Variants in MSN observed in about 807,000 individuals in gnomAD.
The protein encoded by MSN is moesin.
A neutral mutation model predicts 48.0 loss-of-function variants in MSN; 2 were observed. That is an observed-to-expected ratio of 0.04 (90% CI 0.02 to 0.13). The LOEUF (loss-of-function observed/expected upper bound fraction) is 0.13, where lower values mean the gene tolerates loss of function less well. Among genes scored for constraint, MSN ranks in the 10% least tolerant of loss-of-function variants. The pLI, the probability that MSN is intolerant of heterozygous loss-of-function variation, is 1.00. For missense variants in MSN, 267 were observed against 470.1 expected (o/e 0.57, Z 3.99); for synonymous variants, 146 against 166.9 (o/e 0.87, Z 0.97).
chrX:65,646,199 A>G (rs2070694040), intron 1 of MSN, among the ~76,000 whole-genome samples: 1 of 111,949 alleles, frequency 8.9e-6, no homozygotes, highest in Admixed American at 9.5e-5. Context: ...GCTCAGTTGC[A>G]TGTGACCTGT....
rs1195702879 is a variant in MSN at position 65,731,975 on chromosome X, A to G, written c.689A>G (p.Gln230Arg). The G allele has an allele frequency of 1.1e-5, 13 of 1,206,669 alleles. No homozygotes were observed. The highest frequency in any genetic ancestry group is 2.3e-4 in the Middle Eastern group (1 of 4,353). Residue 230 changes from glutamine to arginine, a missense_variant, in exon 6 of 13, where the codon CAG becomes CGG. Physicochemically the swap from Gln to Arg is conservative, Grantham distance 43. Transcript: ENST00000360270. ...VDALGLNIYE[Q>R]NDRLTPKIGF... ...GCCCTGGGTCTCAACATCTATGAGC[A>G]GAATGACAGGTATATCTCAGATCTC...
chrX:65,600,664 C>T (rs150854783), intron 1 of MSN: 1 of 111,751 alleles, frequency 8.9e-6, no homozygotes, highest in East Asian at 2.8e-4. Flanking sequence ...CTATGCAGAT[C>T]TACACAGCTA....
chrX:65,592,058 C>T (rs751051150), intron 1 of MSN, among the ~76,000 whole-genome samples: 11 of 109,412 alleles, frequency 1.0e-4, no homozygotes, highest in Admixed American at 2.0e-4. Context: ...TAGCATTGCT[C>T]CCCGTACTGC....
intron 1 of MSN, among the ~76,000 whole-genome samples, chrX:65,652,460 T>G (rs1453900926): frequency 9.0e-6 from 1 of 111,370 alleles, no homozygotes; most frequent in Non-Finnish European, 1.9e-5. Context: ...AGTTTCCAGG[T>G]CAGCTTCTAA....
intron 1 of MSN, among the ~76,000 whole-genome samples, chrX:65,658,708 G>A (rs957955032): frequency 1.8e-5 from 2 of 111,688 alleles, no homozygotes; most frequent in Non-Finnish European, 3.8e-5. Flanking sequence ...CTTTATTGCC[G>A]TGAACTTAGA....
Position 65,741,057 on chromosome X carries a change from C to G in MSN, c.*1164C>G, listed in dbSNP as rs2071731428. On this transcript the variant is annotated 3_prime_UTR_variant, in exon 13 of 13. Coordinates refer to ENST00000360270, the MANE Select transcript of MSN (RefSeq NM_002444.3). ...AGTTTACTCAACCCTCTCAGGTGAC[C>G]AAAATCCCCTTCTCATCACTCCCCT... is the stretch of plus-strand genomic sequence containing the variant. The G allele has an allele frequency of 6.0e-6, 1 of 166,763 alleles. No homozygotes were observed. The highest frequency in any genetic ancestry group is 1.1e-5 in the Non-Finnish European group (1 of 87,227). 13.7% of individuals were successfully genotyped at this position (166,763 alleles called of 1,213,427 possible). A position where few individuals can be genotyped will look rare whatever the true frequency, so the allele number is the denominator to read the frequency against.
intron 1 of MSN, among the ~76,000 whole-genome samples, chrX:65,673,483 G>A (rs1172336829): frequency 9.4e-6 from 1 of 106,905 alleles, no homozygotes; most frequent in East Asian, 2.9e-4. Flanking sequence ...TTGATACGGA[G>A]TTTTGCTGTT....
At chrX:65,667,889 G>A (rs1251902927) in intron 1 of MSN, 36 bp downstream of exon 1, 35 of 1,195,995 alleles carry the variant, frequency 2.9e-5, no homozygotes, top group Non-Finnish European at 4.0e-5. Flanking sequence ...GACCCCAATG[G>A]CTCTGGCTGA....
chrX:65,717,807 C>T (rs988144433), intron 2 of MSN, among the ~76,000 whole-genome samples: 4 of 111,719 alleles, frequency 3.6e-5, no homozygotes, highest in African/African-American at 9.8e-5. Flanking sequence ...CTGATGGATT[C>T]TCCAGGCCCT....
chrX:65,628,164 G>A (rs1051280805), intron 1 of MSN, among the ~76,000 whole-genome samples: 3 of 112,404 alleles, frequency 2.7e-5, no homozygotes, highest in East Asian at 2.8e-4. Flanking sequence ...CCTGGAGGAC[G>A]GTGGCCCACT....
chrX:65,627,117 G>A (rs1490389038), intron 1 of MSN, among the ~76,000 whole-genome samples: 2 of 110,878 alleles, frequency 1.8e-5, no homozygotes, highest in African/African-American at 6.6e-5. Flanking sequence ...GACAAAGTTG[G>A]TTCTGACAGT....
intron 1 of MSN, among the ~76,000 whole-genome samples, chrX:65,629,063 C>T (rs1430202755): frequency 1.9e-5 from 2 of 104,858 alleles, no homozygotes; most frequent in Admixed American, 2.1e-4. Context: ...GAGCGAGACT[C>T]CATCTCAAAA....
intron 1 of MSN, among the ~76,000 whole-genome samples, chrX:65,711,890 G>A (rs2071418776): frequency 9.0e-6 from 1 of 111,614 alleles, no homozygotes; most frequent in Admixed American, 9.5e-5. Flanking sequence ...CATCTTGCAT[G>A]AGTACCCATT....
intron 2 of MSN, among the ~76,000 whole-genome samples, chrX:65,718,135 A>T (rs2071484197): frequency 9.0e-6 from 1 of 111,064 alleles, no homozygotes; most frequent in African/African-American, 3.3e-5. Context: ...TATGATAAGC[A>T]TTTGACTATC....
intron 1 of MSN, among the ~76,000 whole-genome samples, chrX:65,607,366 T>G (rs2070286438): frequency 9.0e-6 from 1 of 111,473 alleles, no homozygotes; most frequent in African/African-American, 3.3e-5. Flanking sequence ...AAAATGAAGC[T>G]ATGGAGAAAA....
At position 65,691,858 on chromosome X, in the gene MSN, G is replaced by C. The variant is rs186746308; in HGVS notation, c.12+24005G>C. On this transcript the variant is annotated intron_variant, in intron 1 of 12. Transcript: ENST00000360270. The stretch of plus-strand genomic sequence containing the variant: ...TGTGAAGAGCCAGGGTGGGAGGTTA[G>C]AAGGTAGGCACTCCTGAATGGTTGT... Among the ~76,000 whole-genome samples the C allele has an allele frequency of 1.2e-4, 13 of 111,557 alleles. No individual in the cohort carries two copies. In the East Asian group the frequency reaches 3.7e-3, roughly 31 times the overall value.
In MSN at chrX:65,605,372, T is replaced by C. The variant is rs181175688; in HGVS notation, c.-22+16760T>C. 1.0e-3 allele frequency among the ~76,000 whole-genome samples: 116 copies of C among 111,790 alleles called. 1 individual carries two copies. The highest frequency in any genetic ancestry group is 3.5e-3 in the African/African-American group (107 of 30,823). On this transcript the variant is annotated intron_variant, in intron 1 of 3. Transcript: ENST00000609672. ...CAAGTCCTGCTACACTCAGAATATATCCCTAACACATCCACCTCTCTCTTC... is the reference window on the plus strand; with the variant it reads ...CAAGTCCTGCTACACTCAGAATATACCCCTAACACATCCACCTCTCTCTTC...
At chrX:65,703,720 G>T (rs982237584) in intron 1 of MSN, among the ~76,000 whole-genome samples, 8 of 111,550 alleles carry the variant, frequency 7.2e-5, no homozygotes, top group Non-Finnish European at 1.1e-4. Context: ...GACTACAGGC[G>T]TGCGCCACCA....
intron 1 of MSN, among the ~76,000 whole-genome samples, chrX:65,712,373 C>T (rs2071422828): frequency 9.0e-6 from 1 of 110,708 alleles, no homozygotes; most frequent in African/African-American, 3.3e-5. Context: ...CTGCCTGGCC[C>T]CCTCTTCCCT....
Sources: gnomAD v4.1 joint callset for allele counts (sites outside exome capture counted in the v4.1 genomes callset) on GRCh38, gnomAD v4.1.1 for gene constraint, MANE v1.5 for transcripts, NCBI Gene and HGNC (gene_info 2026-07-23, HGNC 2026-07-21) for gene names.